Variants in TACR3 observed in about 807,000 individuals in gnomAD.
The protein encoded by TACR3 is tachykinin receptor 3, also known as neuromedin-K receptor.
A neutral mutation model predicts 35.0 loss-of-function variants in TACR3; 34 were observed. That is an observed-to-expected ratio of 0.97 (90% CI 0.74 to 1.30). The LOEUF is 1.30. Ranked by LOEUF, TACR3 falls within the 50% of genes most tolerant of loss-of-function variation. The pLI, the probability that TACR3 is intolerant of heterozygous loss-of-function variation, is 0.00. For missense variants in TACR3, 558 were observed against 591.7 expected, an observed-to-expected ratio of 0.94 and a Z score of 0.59; for synonymous variants, 233 against 221.1, an observed-to-expected ratio of 1.05 and a Z score of -0.48.
chr4:103,707,221 G>C (rs1722815213), intron 1 of TACR3, among the ~76,000 whole-genome samples: 2 of 152,190 alleles, frequency 1.3e-5, no homozygotes, highest in African/African-American at 4.8e-5. Context: ...TAAGGAATGT[G>C]TATGTACTGT....
intron 3 of TACR3, among the ~76,000 whole-genome samples, chr4:103,600,706 T>G (rs1724175921): frequency 6.6e-6 from 1 of 152,230 alleles, no homozygotes; most frequent in African/African-American, 2.4e-5. Flanking sequence ...TCTGCCTTCA[T>G]TTCATTATTT....
chr4:103,631,392 A>G (rs985114675), intron 3 of TACR3, among the ~76,000 whole-genome samples: 1 of 152,148 alleles, frequency 6.6e-6, no homozygotes, highest in Non-Finnish European at 1.5e-5. Flanking sequence ...GGTTTACTGC[A>G]TACTATATCA....
chr4:103,601,207 T>G (rs535634404), intron 3 of TACR3, among the ~76,000 whole-genome samples: 3 of 151,888 alleles, frequency 2.0e-5, no homozygotes, highest in Non-Finnish European at 4.4e-5. Context: ...TTTACCATTA[T>G]GTAATGGCCT....
intron 3 of TACR3, among the ~76,000 whole-genome samples, chr4:103,629,354 C>T (rs1441784275): frequency 6.6e-6 from 1 of 152,076 alleles, no homozygotes; most frequent in Non-Finnish European, 1.5e-5. Flanking sequence ...CAAATTGTCC[C>T]TGTTTTCAGA....
chr4:103,660,131 C>A (rs1245527259), intron 1 of TACR3, among the ~76,000 whole-genome samples: 1 of 151,760 alleles, frequency 6.6e-6, no homozygotes, highest in Admixed American at 6.6e-5. Context: ...AACTACTGGG[C>A]AGAATTAAAT....
intron 3 of TACR3, among the ~76,000 whole-genome samples, chr4:103,629,862 A>AAAAC (rs1725011236): frequency 3.6e-5 from 4 of 111,556 alleles, no homozygotes; most frequent in African/African-American, 1.5e-4. Flanking sequence ...AAAAAAAAAC[A>AAAAC]AAAAAAAAAC....
Position 103,658,353 on chromosome 4 carries a change from G to C in TACR3, c.599C>G (p.Thr200Ser). 1 of 1,613,870 alleles carries C rather than the reference G, an allele frequency of 6.2e-7. No individual in the cohort carries two copies. Among genetic ancestry groups the C allele is most frequent in the Non-Finnish European group, 8.5e-7 (1 of 1,179,914 alleles). ...CCAAATACTTCCAATGACAATCTTG[G>C]TTGCTGTAGCAGACAGTCTGGGTTT... The part of the protein sequence containing the change: ...PLKPRLSATA[T>S]KIVIGSIWIL... Residue 200 changes from threonine to serine, a missense_variant, in exon 2 of 5, where the codon ACC (threonine) becomes AGC (serine). By Grantham distance (58) the Thr-to-Ser change is moderately conservative. Coordinates refer to ENST00000304883, the MANE Select transcript of TACR3 (RefSeq NM_001059.3).
intron 3 of TACR3, among the ~76,000 whole-genome samples, chr4:103,617,893 T>C (rs1560808719): frequency 6.6e-6 from 1 of 152,174 alleles, no homozygotes; most frequent in Non-Finnish European, 1.5e-5. Flanking sequence ...AGAATATGTG[T>C]TTATCAGGCA....
intron 3 of TACR3, among the ~76,000 whole-genome samples, chr4:103,593,093 G>T (rs1723928493): frequency 6.6e-6 from 1 of 151,998 alleles, no homozygotes; most frequent in South Asian, 2.1e-4. Flanking sequence ...TTATTTCTCA[G>T]ATTTCCTATT....
intron 1 of TACR3, among the ~76,000 whole-genome samples, chr4:103,670,040 T>A (rs992336731): frequency 2.0e-5 from 3 of 152,100 alleles, no homozygotes; most frequent in Non-Finnish European, 4.4e-5. Flanking sequence ...ATAATGGATA[T>A]CCAGTTTCCC....
At chr4:103,670,258 G>A (rs1339338300) in intron 1 of TACR3, among the ~76,000 whole-genome samples, 2 of 152,116 alleles carry the variant, frequency 1.3e-5, no homozygotes, top group East Asian at 3.9e-4. Flanking sequence ...CTTGAAGTCA[G>A]GTAATGTAAT....
At chr4:103,591,282 T>C (rs1363723585) in intron 4 of TACR3, 1 of 610,456 alleles carries the variant, frequency 1.6e-6, no homozygotes, top group Non-Finnish European at 2.9e-6. Context: ...GATCATTATT[T>C]GGGGCATCTA....
chr4:103,696,673 T>TCA (rs1234683765), intron 1 of TACR3, among the ~76,000 whole-genome samples: 3 of 152,194 alleles, frequency 2.0e-5, no homozygotes, highest in African/African-American at 7.2e-5. Context: ...TATGATGGCT[T>TCA]CACCCTTTTG....
intron 1 of TACR3, among the ~76,000 whole-genome samples, chr4:103,669,623 G>A (rs537151304): frequency 6.6e-6 from 1 of 152,054 alleles, no homozygotes; most frequent in Non-Finnish European, 1.5e-5. Flanking sequence ...TAATATACTT[G>A]TTGATGATTT....
Position 103,719,600 on chromosome 4 carries a change from C to T in TACR3, c.76G>A (p.Ala26Thr). The T allele has an allele frequency of 6.2e-7, 1 of 1,612,886 alleles. No individual in the cohort carries two copies. The highest frequency in any genetic ancestry group is 8.5e-7 in the Non-Finnish European group (1 of 1,179,274). ...GTGGCCGCCCCGGCAGCTAGCGAGGCGGTCAGGTTCACGGCGTCTGCACCC... is the reference window on the plus strand; with the variant it reads ...GTGGCCGCCCCGGCAGCTAGCGAGGTGGTCAGGTTCACGGCGTCTGCACCC... ...GVGADAVNLT[A>T]SLAAGAATGA... Residue 26 changes from alanine to threonine, a missense_variant, in exon 1 of 5, where the codon GCC (alanine) becomes ACC (threonine). Coordinates refer to ENST00000304883, the MANE Select transcript of TACR3 (RefSeq NM_001059.3).
At chr4:103,621,304 A>G (rs1724773914) in intron 3 of TACR3, among the ~76,000 whole-genome samples, 1 of 152,218 alleles carries the variant, frequency 6.6e-6, no homozygotes, top group African/African-American at 2.4e-5. Flanking sequence ...AGTGGGATGT[A>G]CCATGTACTA....
chr4:103,662,755 C>T (rs1261405134), intron 1 of TACR3, among the ~76,000 whole-genome samples: 1 of 152,064 alleles, frequency 6.6e-6, no homozygotes, highest in Non-Finnish European at 1.5e-5. Flanking sequence ...TGAAATGTGG[C>T]ATCAACAAGC....
At chr4:103,611,973 T>C (rs897199084) in intron 3 of TACR3, among the ~76,000 whole-genome samples, 2 of 152,210 alleles carry the variant, frequency 1.3e-5, no homozygotes, top group Non-Finnish European at 2.9e-5. Flanking sequence ...AAAGCATTGT[T>C]GTCTCTCTCC....
At chr4:103,687,998 T>C (rs1455882285) in intron 1 of TACR3, among the ~76,000 whole-genome samples, 1 of 152,076 alleles carries the variant, frequency 6.6e-6, no homozygotes, top group African/African-American at 2.4e-5. Flanking sequence ...CTTCAAACTA[T>C]ACTACAAGGC....
Sources: gnomAD v4.1 joint callset for allele counts (sites outside exome capture counted in the v4.1 genomes callset) on GRCh38, gnomAD v4.1.1 for gene constraint, MANE v1.5 for transcripts, NCBI Gene and HGNC (gene_info 2026-07-23, HGNC 2026-07-21) for gene names.